The following PTPRK variants were observed in gnomAD, a reference collection of about 807,000 sequenced individuals.
PTPRK encodes the protein receptor-type tyrosine-protein phosphatase kappa.
A neutral mutation model predicts 178.0 loss-of-function variants in PTPRK; 75 were observed. The ratio of observed to expected loss-of-function variants is 0.42; its 90% CI spans 0.35 to 0.51. The LOEUF is 0.51. PTPRK is among the 20% of genes least tolerant of loss of function. The pLI is 0.02. For missense variants in PTPRK, 1,441 were observed against 1,797.8 expected (o/e 0.80, Z 3.59); for synonymous variants, 637 against 620.6 (o/e 1.03, Z -0.39).
intron 2 of PTPRK, among the ~76,000 whole-genome samples, chr6:128,382,237 A>T (rs540824983): frequency 8.2e-4 from 124 of 151,248 alleles, no homozygotes; most frequent in Non-Finnish European, 1.7e-3. Flanking sequence ...AATGGTTTAT[A>T]TGATATGCTG....
intron 5 of PTPRK, among the ~76,000 whole-genome samples, chr6:128,223,233 A>G (rs1041403602): frequency 6.6e-6 from 1 of 151,968 alleles, no homozygotes; most frequent in African/African-American, 2.4e-5. Flanking sequence ...GTTAAAATGA[A>G]TTAAATTCAC....
At chr6:127,977,809 T>C (rs1774786520) in intron 25 of PTPRK, among the ~76,000 whole-genome samples, 2 of 152,194 alleles carry the variant, frequency 1.3e-5, no homozygotes, top group Non-Finnish European at 2.9e-5. Context: ...CAATATATTA[T>C]CTCTTTCCAA....
chr6:128,039,010 T>A (rs924961275), intron 13 of PTPRK, among the ~76,000 whole-genome samples: 1 of 152,208 alleles, frequency 6.6e-6, no homozygotes, highest in African/African-American at 2.4e-5. Flanking sequence ...TCTAACATAT[T>A]GTTTGGAATG....
At position 127,988,794 on chromosome 6, in the gene PTPRK, TTTTC is replaced by T. The variant is rs1404326375; in HGVS notation, c.3096+1971_3096+1974del. 2.0e-5 allele frequency among the ~76,000 whole-genome samples: 3 copies of T among 151,932 alleles called. No homozygotes were observed. In the East Asian group the frequency reaches 5.8e-4, roughly 29 times the overall value. On this transcript the variant is annotated intron_variant, in intron 21 of 29. Coordinates refer to ENST00000368226, the MANE Select transcript of PTPRK (RefSeq NM_002844.4). The stretch of plus-strand genomic sequence containing the variant: ...TATTGATCTTTTCAATAAACAAGCT[TTTTC>T]TTTTTTCTCATTTGTTTCTTTTTTA...
intron 11 of PTPRK, among the ~76,000 whole-genome samples, chr6:128,068,225 G>A (rs754637021): frequency 4.6e-5 from 7 of 152,174 alleles, no homozygotes; most frequent in East Asian, 1.9e-4. Context: ...GCCTCAGGGC[G>A]GTGCTAGAAG....
chr6:128,483,725 A>G (rs1486159790), intron 1 of PTPRK, among the ~76,000 whole-genome samples: 2 of 152,112 alleles, frequency 1.3e-5, no homozygotes, highest in Non-Finnish European at 2.9e-5. Flanking sequence ...ACCTGTCCCA[A>G]ATAAAATCTC....
chr6:128,319,129 C>T (rs1828441152), intron 3 of PTPRK, among the ~76,000 whole-genome samples: 1 of 152,132 alleles, frequency 6.6e-6, no homozygotes, highest in Admixed American at 6.6e-5. Context: ...GAAAAATACA[C>T]AGTACAGTGG....
intron 15 of PTPRK, among the ~76,000 whole-genome samples, chr6:127,999,509 T>C (rs1308820133): frequency 1.3e-5 from 2 of 152,052 alleles, no homozygotes; most frequent in Non-Finnish European, 2.9e-5. Context: ...CTCTGCCGCC[T>C]TGACTTATTA....
chr6:128,428,366 T>A (rs1432006023), intron 1 of PTPRK, among the ~76,000 whole-genome samples: 1 of 152,200 alleles, frequency 6.6e-6, no homozygotes, highest in African/African-American at 2.4e-5. Flanking sequence ...ACTACTAAGG[T>A]CTAAAGCCTA....
chr6:128,335,679 T>C (rs1162681936), intron 2 of PTPRK, among the ~76,000 whole-genome samples: 3 of 151,922 alleles, frequency 2.0e-5, no homozygotes, highest in Middle Eastern at 3.2e-3. Context: ...TCCTAGGATA[T>C]AAAAAAGTAA....
Position 128,089,752 on chromosome 6 carries a change from A to T in PTPRK, c.1403T>A (p.Ile468Asn), listed in dbSNP as rs1562564173. Reference sequence around the variant, plus strand: ...CTTCCTTCCCTCTGGATTGGTTAGGATCATCTTGAGGCTGACATTTGTATA... The same window carrying T: ...CTTCCTTCCCTCTGGATTGGTTAGGTTCATCTTGAGGCTGACATTTGTATA... ...PPYTNVSLKM[I>N]LTNPEGRKES... The change falls in exon 8 of 30, where the codon ATC becomes AAC. Residue 468 changes from isoleucine to asparagine, a missense_variant. This residue lies in a region of PTPRK where 945 missense variants were observed against 1,080.6 expected (regional missense o/e 0.87). Coordinates refer to ENST00000368226, the MANE Select transcript of PTPRK (RefSeq NM_002844.4). 6.2e-7 allele frequency: 1 copy of T among 1,613,410 alleles called. No homozygotes were observed. The highest frequency in any genetic ancestry group is 8.5e-7 in the Non-Finnish European group (1 of 1,179,368).
intron 5 of PTPRK, 74 bp downstream of exon 5, chr6:128,239,961 C>A: frequency 1.7e-6 from 2 of 1,164,678 alleles, no homozygotes; most frequent in Admixed American, 1.9e-5. Context: ...AAGGATGAGA[C>A]AACAAACAGT....
At chr6:128,238,722 T>C (rs576414993) in intron 5 of PTPRK, among the ~76,000 whole-genome samples, 7 of 152,340 alleles carry the variant, frequency 4.6e-5, no homozygotes, top group Admixed American at 4.6e-4. Flanking sequence ...TTATACAACA[T>C]GCTTTCCAGG....
intron 7 of PTPRK, among the ~76,000 whole-genome samples, chr6:128,102,163 A>G (rs1247224615): frequency 6.6e-6 from 1 of 152,238 alleles, no homozygotes; most frequent in Non-Finnish European, 1.5e-5. Flanking sequence ...TTTTAAAAAT[A>G]TAGAATAAAC....
At chr6:128,491,142 A>G (rs1431005861) in intron 1 of PTPRK, among the ~76,000 whole-genome samples, 1 of 152,206 alleles carries the variant, frequency 6.6e-6, no homozygotes, top group Non-Finnish European at 1.5e-5. Context: ...TGCCTGGCTC[A>G]TGGGAAGTTC....
chr6:128,318,597 C>T (rs1424211972), intron 3 of PTPRK, among the ~76,000 whole-genome samples: 8 of 152,110 alleles, frequency 5.3e-5, no homozygotes, highest in Admixed American at 5.2e-4. Flanking sequence ...ATGATGGGCA[C>T]CCAGTTAATG....
At chr6:128,469,578 A>G (rs879938775) in intron 1 of PTPRK, among the ~76,000 whole-genome samples, 2 of 152,276 alleles carry the variant, frequency 1.3e-5, no homozygotes, top group East Asian at 3.9e-4. Context: ...TTCAAGTCAT[A>G]TTTTTATTTT....
chr6:128,396,878 G>T (rs1040055780), intron 2 of PTPRK, among the ~76,000 whole-genome samples: 5 of 152,048 alleles, frequency 3.3e-5, no homozygotes, highest in African/African-American at 9.7e-5. Context: ...CACGCCTGTA[G>T]TCCCAGCTAC....
chr6:127,996,098 T>C (rs78497450), intron 17 of PTPRK, among the ~76,000 whole-genome samples: 188 of 152,106 alleles, frequency 1.2e-3, no homozygotes, highest in African/African-American at 4.5e-3. Flanking sequence ...GATCCTGTGG[T>C]TTTGTCTGAT....
Sources: gnomAD v4.1 joint callset for allele counts (sites outside exome capture counted in the v4.1 genomes callset) on GRCh38, gnomAD v4.1.1 for gene constraint, gnomAD v4.1.1 regional missense constraint, MANE v1.5 for transcripts, NCBI Gene and HGNC (gene_info 2026-07-23, HGNC 2026-07-21) for gene names.